The following KIAA1549L variants were observed in gnomAD, a reference collection of about 807,000 sequenced individuals.
KIAA1549L encodes the protein KIAA1549 like.
A neutral mutation model predicts 160.7 loss-of-function variants in KIAA1549L; 88 were observed. The ratio of observed to expected loss-of-function variants is 0.55; its 90% CI spans 0.46 to 0.65. KIAA1549L has a LOEUF of 0.65. Among genes scored for constraint, KIAA1549L ranks in the 30% least tolerant of loss-of-function variants. The pLI, the probability that KIAA1549L is intolerant of heterozygous loss-of-function variation, is 0.00. For missense variants in KIAA1549L, 2,258 were observed against 2,437.5 expected (o/e 0.93, Z 1.55); for synonymous variants, 950 against 976.7 (o/e 0.97, Z 0.51).
intron 3 of KIAA1549L, among the ~76,000 whole-genome samples, chr11:33,545,765 C>G (rs1439543452): frequency 2.0e-5 from 3 of 152,184 alleles, no homozygotes; most frequent in Non-Finnish European, 4.4e-5. Context: ...TCCCAGGAAA[C>G]CATGGTTCTG....
chr11:33,628,947 C>T (rs370171256), intron 16 of KIAA1549L, among the ~76,000 whole-genome samples: 20 of 151,572 alleles, frequency 1.3e-4, no homozygotes, highest in South Asian at 6.3e-4. Flanking sequence ...CCATGTTTAG[C>T]GCTTCCTTCA....
chr11:33,604,863 G>A (rs549465183), intron 13 of KIAA1549L, among the ~76,000 whole-genome samples: 15 of 152,310 alleles, frequency 9.8e-5, no homozygotes, highest in South Asian at 2.1e-4. Context: ...CACTACTTAC[G>A]TGACGGGTAC....
At chr11:33,599,551 C>T (rs1453923297) in intron 13 of KIAA1549L, 1 of 151,938 alleles carries the variant, frequency 6.6e-6, no homozygotes, top group Admixed American at 6.6e-5. Context: ...TGTCTTAATT[C>T]TCCAGGGAAG....
At chr11:33,447,122 A>C (rs1036253477) in intron 1 of KIAA1549L, among the ~76,000 whole-genome samples, 1 of 152,228 alleles carries the variant, frequency 6.6e-6, no homozygotes, top group Non-Finnish European at 1.5e-5. Context: ...GCTTGAGGTC[A>C]GTCTTAAAGG....
At chr11:33,596,269 C>T (rs1026790379) in intron 12 of KIAA1549L, among the ~76,000 whole-genome samples, 15 of 152,252 alleles carry the variant, frequency 9.9e-5, no homozygotes, top group Admixed American at 2.6e-4. Flanking sequence ...TATTTTTGAA[C>T]GGAAGTTTTG....
chr11:33,448,061 AT>A lies in KIAA1549L; in HGVS notation c.238+71180del, dbSNP rs550603619. ...AGCAGTTGCTTTCATTCAATAACTT[AT>A]TTTTTTTAATTATTATTTTTAAAAA... On this transcript the variant is annotated intron_variant, in intron 1 of 20. Transcript: ENST00000658780. Among the ~76,000 whole-genome samples, 254 of 152,106 alleles carry A rather than the reference AT, an allele frequency of 1.7e-3. 2 individuals carry two copies. Among genetic ancestry groups the A allele is most frequent in the African/African-American group, 5.7e-3 (236 of 41,500 alleles).
intron 1 of KIAA1549L, among the ~76,000 whole-genome samples, chr11:33,408,184 G>A (rs968475767): frequency 7.9e-5 from 12 of 152,272 alleles, no homozygotes; most frequent in Non-Finnish European, 1.2e-4. Context: ...AATGTCTTTT[G>A]TAGTACCTTC....
At chr11:33,650,178 G>C (rs1851845191) in intron 17 of KIAA1549L, among the ~76,000 whole-genome samples, 1 of 152,196 alleles carries the variant, frequency 6.6e-6, no homozygotes, top group Admixed American at 6.5e-5. Context: ...ATCTGGGCCA[G>C]ATTGGGAATG....
chr11:33,387,049 G>A (rs779059674), intron 1 of KIAA1549L, among the ~76,000 whole-genome samples: 3 of 151,998 alleles, frequency 2.0e-5, no homozygotes, highest in Admixed American at 6.6e-5. Context: ...GGAGGTTGCA[G>A]TGAGTCGGGA....
At chr11:33,657,201 T>G (rs1395549702) in intron 18 of KIAA1549L, among the ~76,000 whole-genome samples, 5 of 152,048 alleles carry the variant, frequency 3.3e-5, no homozygotes, top group Non-Finnish European at 5.9e-5. Flanking sequence ...TCATACAGCC[T>G]CCACATTGGA....
chr11:33,543,801 T>G lies in KIAA1549L; in HGVS notation c.2238T>G (p.Gly746=), dbSNP rs1319744029. ...TAGCTCCAACAGCTCCTCCCAATGGTTTAACTTCAGCTGCCGATGCCATAA... is the reference window on the plus strand; with the variant it reads ...TAGCTCCAACAGCTCCTCCCAATGGGTTAACTTCAGCTGCCGATGCCATAA... ...THLAPTAPPN[G]LTSAADAIKS... is the part of the protein sequence containing the mutation. Residue 746 remains glycine (G), a synonymous_variant, in exon 2 of 21, where the codon GGT becomes GGG. Coordinates refer to ENST00000658780, the MANE Select transcript of KIAA1549L (RefSeq NM_012194.3). The G allele has an allele frequency of 6.2e-7, 1 of 1,613,900 alleles. No individual in the cohort carries two copies. Among genetic ancestry groups the G allele is most frequent in the Non-Finnish European group, 8.5e-7 (1 of 1,179,902 alleles).
At chr11:33,466,473 C>G (rs368361065) in intron 1 of KIAA1549L, among the ~76,000 whole-genome samples, 1 of 152,128 alleles carries the variant, frequency 6.6e-6, no homozygotes, top group South Asian at 2.1e-4. Context: ...AAATAACAGA[C>G]GCTGGAGAGG....
At chr11:33,441,903 G>A (rs1343460874) in intron 1 of KIAA1549L, among the ~76,000 whole-genome samples, 1 of 152,156 alleles carries the variant, frequency 6.6e-6, no homozygotes, top group African/African-American at 2.4e-5. Context: ...TTCTTTTGCT[G>A]TGCAGAAGCT....
intron 1 of KIAA1549L, among the ~76,000 whole-genome samples, chr11:33,500,451 A>G (rs1852921743): frequency 6.6e-6 from 1 of 152,208 alleles, no homozygotes; most frequent in Non-Finnish European, 1.5e-5. Context: ...CAAAAAACCA[A>G]CTTATGAAAT....
chr11:33,404,802 G>C (rs1204394053), intron 1 of KIAA1549L, among the ~76,000 whole-genome samples: 2 of 152,064 alleles, frequency 1.3e-5, no homozygotes, highest in Non-Finnish European at 2.9e-5. Flanking sequence ...CTGAGGTCAG[G>C]AGTTTGAGAC....
At chr11:33,393,213 C>T (rs1201413067) in intron 1 of KIAA1549L, among the ~76,000 whole-genome samples, 1 of 152,192 alleles carries the variant, frequency 6.6e-6, no homozygotes, top group Admixed American at 6.5e-5. Context: ...TTTATTCTTT[C>T]TGCCTGGGAA....
intron 7 of KIAA1549L, 69 bp downstream of exon 7, chr11:33,559,980 T>A: frequency 6.9e-7 from 1 of 1,441,140 alleles, no homozygotes; most frequent in Non-Finnish European, 9.6e-7. Context: ...AGCAAACATT[T>A]ATAGTGCCAG....
intron 14 of KIAA1549L, among the ~76,000 whole-genome samples, chr11:33,608,324 A>G (rs1850561948): frequency 6.6e-6 from 1 of 152,262 alleles, no homozygotes; most frequent in Non-Finnish European, 1.5e-5. Flanking sequence ...GATGATGATT[A>G]TTATTATTAC....
intron 1 of KIAA1549L, among the ~76,000 whole-genome samples, chr11:33,438,205 G>T (rs1191694086): frequency 6.6e-6 from 1 of 152,202 alleles, no homozygotes; most frequent in Admixed American, 6.5e-5. Context: ...TCTTGGGGGA[G>T]AATTGGTTAA....
Sources: allele counts gnomAD v4.1 joint callset (sites outside exome capture counted in the v4.1 genomes callset), GRCh38; gene constraint gnomAD v4.1.1; transcripts MANE v1.5; gene names NCBI Gene and HGNC (gene_info 2026-07-23, HGNC 2026-07-21).